DCC: variants seen among roughly 807,000 people sequenced by gnomAD.
DCC encodes the protein DCC netrin 1 receptor.
Under a neutral mutation model 172.5 loss-of-function variants are expected in DCC, and 58 were observed. The ratio of observed to expected loss-of-function variants is 0.34; its 90% CI spans 0.27 to 0.42. The LOEUF (loss-of-function observed/expected upper bound fraction) is 0.42. Ranked by LOEUF, DCC falls within the 10% of genes least tolerant of loss-of-function variation. The pLI is 1.00. For missense variants in DCC, 1,740 were observed against 1,791.0 expected, an observed-to-expected ratio of 0.97 and a Z score of 0.51; for synonymous variants, 709 against 644.5, an observed-to-expected ratio of 1.10 and a Z score of -1.52.
chr18:53,312,774 A>C (rs2057290428), intron 13 of DCC, among the ~76,000 whole-genome samples: 2 of 128,060 alleles, frequency 1.6e-5, no homozygotes, highest in Non-Finnish European at 3.2e-5. Flanking sequence ...GTGCCACTGC[A>C]GTCCAGCCTG....
At chr18:53,296,456 C>T (rs2057069307) in intron 12 of DCC, among the ~76,000 whole-genome samples, 1 of 152,172 alleles carries the variant, frequency 6.6e-6, no homozygotes. Context: ...GCTATTAGCT[C>T]ATACTGCTGA....
At chr18:52,911,221 C>T (rs1026569565) in intron 3 of DCC, among the ~76,000 whole-genome samples, 4 of 151,972 alleles carry the variant, frequency 2.6e-5, no homozygotes, top group African/African-American at 7.2e-5. Flanking sequence ...GTAGTTAATT[C>T]GCGTAGCCCT....
intron 6 of DCC, among the ~76,000 whole-genome samples, 162 bp from the exon 7 acceptor site, chr18:53,065,884 C>A (rs1369182160): frequency 6.6e-6 from 1 of 152,104 alleles, no homozygotes; most frequent in Non-Finnish European, 1.5e-5. Flanking sequence ...TATGACTTTT[C>A]CCAGGTGGCA....
At chr18:53,254,049 A>G (rs1310327285) in intron 12 of DCC, among the ~76,000 whole-genome samples, 1 of 152,058 alleles carries the variant, frequency 6.6e-6, no homozygotes, top group African/African-American at 2.4e-5. Context: ...CAAAAACATC[A>G]GGAGAGTTGT....
chr18:52,878,298 C>G (rs1397879075), intron 2 of DCC, among the ~76,000 whole-genome samples: 1 of 152,170 alleles, frequency 6.6e-6, no homozygotes, highest in Non-Finnish European at 1.5e-5. Flanking sequence ...TACTTTATTT[C>G]CCCAACCCAT....
At chr18:53,413,056 G>A (rs1425522592) in intron 20 of DCC, among the ~76,000 whole-genome samples, 1 of 152,110 alleles carries the variant, frequency 6.6e-6, no homozygotes, top group African/African-American at 2.4e-5. Flanking sequence ...GAAGACTTAT[G>A]TCTATCTCTG....
At chr18:53,059,577 C>T (rs945450044) in intron 5 of DCC, among the ~76,000 whole-genome samples, 1 of 151,988 alleles carries the variant, frequency 6.6e-6, no homozygotes, top group Non-Finnish European at 1.5e-5. Flanking sequence ...TTTTGCTCAG[C>T]GAACTTGGAA....
intron 1 of DCC, among the ~76,000 whole-genome samples, chr18:52,522,835 G>C (rs553734312): frequency 6.6e-6 from 1 of 152,222 alleles, no homozygotes; most frequent in South Asian, 2.1e-4. Flanking sequence ...AGAGAGAATT[G>C]ATACTTTCTT....
chr18:52,497,272 AAAAAAAAAAT>A (rs2030802007), intron 1 of DCC, among the ~76,000 whole-genome samples: 1 of 91,104 alleles, frequency 1.1e-5, no homozygotes, highest in African/African-American at 4.2e-5. Context: ...AAAAAAAAAA[AAAAAAAAAAT>A]ATATATATAT....
chr18:52,970,738 T>C (rs775412676), intron 5 of DCC, among the ~76,000 whole-genome samples: 22 of 152,156 alleles, frequency 1.4e-4, no homozygotes, highest in Non-Finnish European at 2.6e-4. Flanking sequence ...TGGTATGCCA[T>C]AGACTAAGCA....
intron 5 of DCC, among the ~76,000 whole-genome samples, chr18:52,969,506 C>T (rs1285187681): frequency 6.6e-6 from 1 of 151,722 alleles, no homozygotes; most frequent in African/African-American, 2.4e-5. Flanking sequence ...CTATAAATTC[C>T]CTAGAACCTA....
At chr18:52,688,619 G>A (rs1472244489) in intron 1 of DCC, among the ~76,000 whole-genome samples, 1 of 152,012 alleles carries the variant, frequency 6.6e-6, no homozygotes, top group East Asian at 1.9e-4. Context: ...AATGCTAAAT[G>A]AGTAGGTTTT....
At chr18:52,868,358 A>T (rs73956081) in intron 2 of DCC, among the ~76,000 whole-genome samples, 16,222 of 152,150 alleles carry the variant, frequency 0.11, 1,195 homozygotes, top group African/African-American at 0.22. Context: ...TACTCCCAGA[A>T]GTAGGCTAAG....
intron 7 of DCC, among the ~76,000 whole-genome samples, chr18:53,087,140 T>A (rs1446440847): frequency 1.3e-5 from 2 of 152,092 alleles, no homozygotes; most frequent in African/African-American, 2.4e-5. Flanking sequence ...CTGGGTCAAA[T>A]GGTATTTCTA....
intron 5 of DCC, among the ~76,000 whole-genome samples, chr18:53,023,627 T>G (rs1277969402): frequency 1.3e-5 from 2 of 152,126 alleles, no homozygotes; most frequent in East Asian, 3.9e-4. Context: ...GGCAAAACTA[T>G]ATTTGAGAGA....
intron 15 of DCC, among the ~76,000 whole-genome samples, chr18:53,355,590 A>C (rs1234981080): frequency 2.0e-5 from 3 of 152,144 alleles, no homozygotes; most frequent in Non-Finnish European, 4.4e-5. Flanking sequence ...TTAGTGTATA[A>C]GAATGCTCGC....
At chr18:52,421,978 T>C (rs1446813232) in intron 1 of DCC, among the ~76,000 whole-genome samples, 1 of 152,198 alleles carries the variant, frequency 6.6e-6, no homozygotes, top group Non-Finnish European at 1.5e-5. Flanking sequence ...TTCAGACCTT[T>C]CTGAAGTATC....
chr18:53,161,546 C>A (rs1408195785), intron 8 of DCC, among the ~76,000 whole-genome samples: 1 of 152,150 alleles, frequency 6.6e-6, no homozygotes, highest in Non-Finnish European at 1.5e-5. Context: ...CTGGTCCTAA[C>A]TTTTTTACCT....
intron 1 of DCC, among the ~76,000 whole-genome samples, chr18:52,528,937 T>C (rs936554369): frequency 3.3e-5 from 5 of 152,128 alleles, no homozygotes; most frequent in Non-Finnish European, 7.3e-5. Context: ...CCAATACTTA[T>C]CAACTGGCTG....
Sources: allele counts gnomAD v4.1 joint callset (sites outside exome capture counted in the v4.1 genomes callset), GRCh38; gene constraint gnomAD v4.1.1; transcripts MANE v1.5; gene names NCBI Gene and HGNC (gene_info 2026-07-23, HGNC 2026-07-21).